PTPRT: variants seen among roughly 807,000 people sequenced by gnomAD.
The protein encoded by PTPRT is protein tyrosine phosphatase receptor type T.
In PTPRT, 56 loss-of-function variants were observed where a neutral mutation model predicts 176.8. The ratio of observed to expected loss-of-function variants is 0.32; its 90% CI spans 0.26 to 0.40. The LOEUF (loss-of-function observed/expected upper bound fraction) is 0.40, where lower values mean the gene tolerates loss of function less well. Among genes scored for constraint, PTPRT ranks in the 10% least tolerant of loss-of-function variants. PTPRT has a pLI of 1.00. For synonymous variants in PTPRT, 783 were observed against 739.0 expected (o/e 1.06, Z -0.96); for missense variants, 1,540 against 1,908.2 (o/e 0.81, Z 3.60).
chr20:42,325,720 A>G (rs574502652), intron 11 of PTPRT, among the ~76,000 whole-genome samples: 8 of 152,332 alleles, frequency 5.3e-5, no homozygotes, highest in Non-Finnish European at 1.2e-4. Flanking sequence ...CCTTAAAAAC[A>G]TGACTCAGCT....
At chr20:43,176,866 G>C (rs2015135218) in intron 1 of PTPRT, among the ~76,000 whole-genome samples, 1 of 152,222 alleles carries the variant, frequency 6.6e-6, no homozygotes, top group East Asian at 1.9e-4. Context: ...GCAAAAATTG[G>C]GATGCTTCTA....
At chr20:43,154,656 T>C (rs2014465581) in intron 1 of PTPRT, among the ~76,000 whole-genome samples, 1 of 152,160 alleles carries the variant, frequency 6.6e-6, no homozygotes, top group Non-Finnish European at 1.5e-5. Flanking sequence ...CTCCATGACA[T>C]TGGTCTGGGC....
At chr20:42,916,123 C>T (rs1003158263) in intron 1 of PTPRT, among the ~76,000 whole-genome samples, 1 of 120,714 alleles carries the variant, frequency 8.3e-6, no homozygotes, top group African/African-American at 3.1e-5. Flanking sequence ...CCTCCCCCCA[C>T]CCCACAACAG....
At position 43,031,959 on chromosome 20, in the gene PTPRT, G is replaced by C. The variant is rs576232474; in HGVS notation, c.89-146027C>G. Among the ~76,000 whole-genome samples the C allele has an allele frequency of 6.6e-5, 10 of 152,294 alleles. No homozygotes were observed. The East Asian group carries it at 1.7e-3, about 27-fold the overall frequency. On this transcript the variant is annotated intron_variant, in intron 1 of 30. Transcript: ENST00000373187. ...CTTCTTCCCTGCCCCAGTCAAGGCAGAACTTGGCTTGGAAGGGAGCTCAGT... is the reference window on the plus strand; with the variant it reads ...CTTCTTCCCTGCCCCAGTCAAGGCACAACTTGGCTTGGAAGGGAGCTCAGT...
chr20:42,477,112 T>A (rs2071303834), intron 7 of PTPRT, among the ~76,000 whole-genome samples: 1 of 152,202 alleles, frequency 6.6e-6, no homozygotes, highest in Admixed American at 6.5e-5. Context: ...TCTTTGGCCA[T>A]GGCACTTTGC....
chr20:42,571,598 C>G (rs149493459), intron 7 of PTPRT, among the ~76,000 whole-genome samples: 1 of 152,192 alleles, frequency 6.6e-6, no homozygotes, highest in South Asian at 2.1e-4. Context: ...AAACTGTTCA[C>G]GTAGTTCAGA....
chr20:42,443,399 G>A (rs2059336280), intron 9 of PTPRT, among the ~76,000 whole-genome samples: 1 of 152,208 alleles, frequency 6.6e-6, no homozygotes, highest in African/African-American at 2.4e-5. Context: ...ATGCTAGTTT[G>A]TGGACACAAG....
chr20:42,790,260 G>A (rs1460985442), intron 3 of PTPRT, among the ~76,000 whole-genome samples: 1 of 152,006 alleles, frequency 6.6e-6, no homozygotes, highest in Non-Finnish European at 1.5e-5. Flanking sequence ...ATGGCCCCAG[G>A]CCAAGACAAT....
intron 1 of PTPRT, among the ~76,000 whole-genome samples, chr20:42,979,305 T>C (rs1337532656): frequency 6.6e-6 from 1 of 152,190 alleles, no homozygotes; most frequent in African/African-American, 2.4e-5. Flanking sequence ...TGAATCATAT[T>C]TGCTGTAAAT....
chr20:42,976,992 T>C lies in PTPRT; in HGVS notation c.89-91060A>G, dbSNP rs565118527. ...GGTCATGTATGACATAATCTGAATA[T>C]CCCATTCAAATTTTTAACCACAGCA... On this transcript the variant is annotated intron_variant, in intron 1 of 30. Transcript: ENST00000373187. Among the ~76,000 whole-genome samples, 88 of 152,268 alleles carry C rather than the reference T, an allele frequency of 5.8e-4. 3 individuals are homozygous for C. The highest frequency in any genetic ancestry group is 1.9e-4 in the East Asian group (1 of 5,182).
intron 8 of PTPRT, among the ~76,000 whole-genome samples, chr20:42,464,856 G>T (rs2071078553): frequency 6.6e-6 from 1 of 152,056 alleles, no homozygotes; most frequent in South Asian, 2.1e-4. Context: ...TTAGCAACAT[G>T]CAGCCTCCTT....
At chr20:42,342,402 C>G (rs1439479693) in intron 11 of PTPRT, among the ~76,000 whole-genome samples, 4 of 152,178 alleles carry the variant, frequency 2.6e-5, no homozygotes, top group Admixed American at 6.5e-5. Flanking sequence ...CAGGTTATGT[C>G]TGGGTATCTC....
Position 42,751,344 on chromosome 20 carries a change from T to C in PTPRT, c.859+5118A>G, listed in dbSNP as rs372010689. Among the ~76,000 whole-genome samples, 114 of 152,256 alleles carry C rather than the reference T, an allele frequency of 7.5e-4. 1 individual carries two copies. The South Asian group carries it at 0.023, about 31-fold the overall frequency. On this transcript the variant is annotated intron_variant, in intron 6 of 30. Transcript: ENST00000373187. ...CTAGATGGCTGAGCACAAACAAAAC[T>C]AGCTACTTTTCCTTTGTCCCCAGAC... is the stretch of plus-strand genomic sequence containing the variant.
At chr20:42,182,841 A>G (rs1990575986) in intron 16 of PTPRT, among the ~76,000 whole-genome samples, 1 of 151,490 alleles carries the variant, frequency 6.6e-6, no homozygotes, top group Non-Finnish European at 1.5e-5. Flanking sequence ...TCTCTCTACC[A>G]TTGCTTCATT....
intron 1 of PTPRT, among the ~76,000 whole-genome samples, chr20:43,001,121 C>T (rs867692394): frequency 6.6e-6 from 1 of 151,724 alleles, no homozygotes; most frequent in Admixed American, 6.6e-5. Flanking sequence ...AGAAGATGAT[C>T]GTGAAGACAT....
At chr20:42,988,357 C>T (rs1462170723) in intron 1 of PTPRT, among the ~76,000 whole-genome samples, 3 of 152,152 alleles carry the variant, frequency 2.0e-5, no homozygotes, top group South Asian at 2.1e-4. Context: ...CTATGCAGTC[C>T]GTGCTTGTCT....
chr20:42,059,772 T>C, the PTPRT span, among the ~76,000 whole-genome samples: 1 of 152,180 alleles, frequency 6.6e-6, no homozygotes, highest in African/African-American at 2.4e-5. Flanking sequence ...ACTGTAACTA[T>C]GAGAAAAGTC....
At chr20:42,528,936 G>C (rs1225595493) in intron 7 of PTPRT, among the ~76,000 whole-genome samples, 3 of 152,184 alleles carry the variant, frequency 2.0e-5, no homozygotes, top group African/African-American at 7.2e-5. Context: ...CAGACTTTGT[G>C]TCCTGACTTT....
chr20:42,112,457 G>A (rs1300603101), intron 22 of PTPRT, among the ~76,000 whole-genome samples: 1 of 152,180 alleles, frequency 6.6e-6, no homozygotes, highest in Non-Finnish European at 1.5e-5. Flanking sequence ...AGTCTGCCCA[G>A]GACTGACGGG....
Sources: gnomAD v4.1 joint callset for allele counts (sites outside exome capture counted in the v4.1 genomes callset) on GRCh38, gnomAD v4.1.1 for gene constraint, MANE v1.5 for transcripts, NCBI Gene and HGNC (gene_info 2026-07-23, HGNC 2026-07-21) for gene names.